Variants in COG6 observed in about 807,000 individuals in gnomAD.
COG6 encodes the protein component of oligomeric golgi complex 6.
In COG6, 74 loss-of-function variants were observed where a neutral mutation model predicts 88.8. The ratio of observed to expected loss-of-function variants is 0.83; its 90% CI spans 0.69 to 1.01. COG6 has a LOEUF of 1.01. Ranked by LOEUF, COG6 falls within the 50% of genes least tolerant of loss-of-function variation. The pLI is 0.00. For missense variants in COG6, 800 were observed against 797.9 expected, an observed-to-expected ratio of 1.00 and a Z score of -0.03; for synonymous variants, 286 against 278.7, an observed-to-expected ratio of 1.03 and a Z score of -0.26.
At chr13:39,735,186 C>T (rs1268750964) in intron 18 of COG6, among the ~76,000 whole-genome samples, 1 of 151,300 alleles carries the variant, frequency 6.6e-6, no homozygotes, top group Non-Finnish European at 1.5e-5. Flanking sequence ...TTCTTTCCTT[C>T]CTTCTTGTCT....
At chr13:39,773,173 G>C (rs1881367061) in intron 18 of COG6, among the ~76,000 whole-genome samples, 1 of 152,202 alleles carries the variant, frequency 6.6e-6, no homozygotes, top group East Asian at 1.9e-4. Flanking sequence ...AAAATAGCCT[G>C]TCTGTCTTCA....
rs372323357 is a variant in COG6 at position 39,687,806 on chromosome 13, C to T, written c.1009+7C>T. ...AAGCATGTAACTACACAAGGTGGGT[C>T]CACCAATTGTATTGCTAATGCCTAA... On this transcript the variant is annotated splice_region_variant and intron_variant, in intron 10 of 18. Transcript: ENST00000455146. 1 of 1,592,774 alleles carries T rather than the reference C, an allele frequency of 6.3e-7. No individual in the cohort carries two copies.
intron 18 of COG6, among the ~76,000 whole-genome samples, chr13:39,785,681 CT>C (rs1480170688): frequency 1.3e-5 from 2 of 152,152 alleles, no homozygotes; most frequent in East Asian, 3.8e-4. Flanking sequence ...TCTGCTAATC[CT>C]TTTATTTTTG....
intron 16 of COG6, 25 bp from the exon 17 acceptor site, chr13:39,724,483 C>CCTTTTT (rs1566197012): frequency 1.6e-6 from 2 of 1,283,678 alleles, no homozygotes; most frequent in African/African-American, 1.7e-5. Context: ...CTTGGATCTG[C>CCTTTTT]TTTTTTTTTT....
chr13:39,705,668 C>T (rs1877853233), intron 13 of COG6, among the ~76,000 whole-genome samples: 1 of 152,004 alleles, frequency 6.6e-6, no homozygotes, highest in South Asian at 2.1e-4. Flanking sequence ...AAACAAACCC[C>T]AAATGATTCT....
chr13:39,707,279 C>T (rs1049027388), intron 13 of COG6, among the ~76,000 whole-genome samples: 3 of 151,844 alleles, frequency 2.0e-5, no homozygotes, highest in African/African-American at 7.3e-5. Context: ...CAGGCATGCA[C>T]CACCACACCC....
At chr13:39,764,307 AC>A (rs1227628338) in intron 18 of COG6, among the ~76,000 whole-genome samples, 2 of 144,740 alleles carry the variant, frequency 1.4e-5, no homozygotes, top group East Asian at 4.1e-4. Context: ...CTTTCAAAGA[AC>A]CTATGTTTTA....
chr13:39,767,720 C>G (rs1478274301), intron 18 of COG6, among the ~76,000 whole-genome samples: 1 of 152,178 alleles, frequency 6.6e-6, no homozygotes, highest in Non-Finnish European at 1.5e-5. Flanking sequence ...GGAAGTATTT[C>G]ACCCCTGCAG....
chr13:39,770,936 C>T (rs1881302651), intron 18 of COG6, among the ~76,000 whole-genome samples: 1 of 152,184 alleles, frequency 6.6e-6, no homozygotes, highest in Non-Finnish European at 1.5e-5. Context: ...CTTCTTGTTT[C>T]TACAAGACCT....
chr13:39,692,015 A>G (rs948111493), intron 11 of COG6, among the ~76,000 whole-genome samples: 1 of 151,974 alleles, frequency 6.6e-6, no homozygotes, highest in African/African-American at 2.4e-5. Context: ...TCCTTGAGAA[A>G]CTATATATTT....
chr13:39,685,999 A>G (rs1264110142), intron 8 of COG6, among the ~76,000 whole-genome samples: 3 of 152,286 alleles, frequency 2.0e-5, no homozygotes, highest in African/African-American at 4.8e-5. Context: ...ATTTATAGCT[A>G]TTTGCCAGTT....
Position 39,677,658 on chromosome 13 carries a change from A to T in COG6, c.540+79A>T, listed in dbSNP as rs76819145. On this transcript the variant is annotated intron_variant, in intron 5 of 18. Transcript: ENST00000455146. Reference sequence around the variant, plus strand: ...AGAGAAATTGCTTTTTTGAAGCTTTATTTTCCCATTAAAAAAAGTTTCATC... The same window carrying T: ...AGAGAAATTGCTTTTTTGAAGCTTTTTTTTCCCATTAAAAAAAGTTTCATC... The T allele has an allele frequency of 4.4e-4, 324 of 741,014 alleles. 3 individuals carry two copies. The African/African-American group carries it at 5.1e-3, about 12-fold the overall frequency. 45.9% of individuals were successfully genotyped at this position (741,014 alleles called of 1,614,324 possible).
intron 2 of COG6, among the ~76,000 whole-genome samples, chr13:39,660,380 A>C (rs977678808): frequency 3.3e-5 from 5 of 152,122 alleles, no homozygotes; most frequent in Non-Finnish European, 1.5e-5. Context: ...ATCATTTCCT[A>C]CTAAAAGGAA....
chr13:39,747,082 A>G (rs556469620), intron 18 of COG6, among the ~76,000 whole-genome samples: 218 of 152,304 alleles, frequency 1.4e-3, no homozygotes, highest in African/African-American at 4.7e-3. Context: ...AGTCTTGGAG[A>G]GGTTAAATTA....
At chr13:39,697,810 G>A (rs1877359994) in intron 12 of COG6, among the ~76,000 whole-genome samples, 1 of 151,810 alleles carries the variant, frequency 6.6e-6, no homozygotes, top group Admixed American at 6.6e-5. Flanking sequence ...TGATTCTTTG[G>A]TCAGCTCTGA....
chr13:39,660,706 A>C, intron 2 of COG6, 104 bp from the exon 3 acceptor site: 1 of 791,780 alleles, frequency 1.3e-6, no homozygotes, highest in South Asian at 1.5e-5. Flanking sequence ...TGCCTTGACC[A>C]AAAAAATAAA....
intron 18 of COG6, among the ~76,000 whole-genome samples, chr13:39,737,246 G>A (rs1336505778): frequency 3.3e-5 from 5 of 152,092 alleles, no homozygotes; most frequent in African/African-American, 1.2e-4. Context: ...CACCACCACT[G>A]GTACTGCGCT....
At position 39,679,991 on chromosome 13, in the gene COG6, C is replaced by T. The variant is rs1206262872; in HGVS notation, c.640C>T (p.Gln214Ter). The T allele has an allele frequency of 6.4e-7, 1 of 1,565,404 alleles. No homozygotes were observed. Among genetic ancestry groups the T allele is most frequent in the South Asian group, 1.1e-5 (1 of 88,768 alleles). Residue 214 changes from glutamine (Q) to a stop codon, truncating the protein, a stop_gained, in exon 7 of 19, where the codon CAG becomes TAG. Transcript: ENST00000455146. LOFTEE classifies it high-confidence loss of function. ...TTTTTTTAGTTTAGAAATTATGGAA[C>T]AGATGGCCTTACTTCAAGAAACGGC... Reference protein sequence around the residue: ...QQTAGLEIMEQMALLQETAYE... With the variant: ...QQTAGLEIME
intron 13 of COG6, among the ~76,000 whole-genome samples, chr13:39,715,866 G>A (rs1256529666): frequency 6.6e-6 from 1 of 151,840 alleles, no homozygotes; most frequent in Non-Finnish European, 1.5e-5. Context: ...TTAAACCATG[G>A]AGAAGAGCAC....
Sources: allele counts gnomAD v4.1 joint callset (sites outside exome capture counted in the v4.1 genomes callset), GRCh38; gene constraint gnomAD v4.1.1; transcripts MANE v1.5; gene names NCBI Gene and HGNC (gene_info 2026-07-23, HGNC 2026-07-21).